Variants in DRP2 observed in about 807,000 individuals in gnomAD.
The protein encoded by DRP2 is dystrophin related protein 2.
In DRP2, 29 loss-of-function variants were observed where a neutral mutation model predicts 78.2. The observed-to-expected ratio is 0.37, with a 90% CI of 0.28 to 0.51. The LOEUF is 0.51. Ranked by LOEUF, DRP2 falls within the 20% of genes least tolerant of loss-of-function variation. The pLI is 0.94. For missense variants in DRP2, 686 were observed against 770.6 expected (o/e 0.89, Z 1.30); for synonymous variants, 290 against 281.9 (o/e 1.03, Z -0.29).
chrX:101,231,406 C>A (rs1243045423), intron 2 of DRP2, 179 bp from the exon 3 acceptor site: 3 of 393,946 alleles, frequency 7.6e-6, no homozygotes, highest in Admixed American at 8.4e-5. Flanking sequence ...TATAGGTAAA[C>A]AATAAATGCT....
intron 12 of DRP2, among the ~76,000 whole-genome samples, chrX:101,247,533 C>T (rs1922974047): frequency 8.9e-6 from 1 of 111,773 alleles, no homozygotes; most frequent in Non-Finnish European, 1.9e-5. Context: ...GGTTAGGGAA[C>T]AGTGTGGCTG....
At chrX:101,251,985 C>T (rs890115019) in intron 16 of DRP2, among the ~76,000 whole-genome samples, 2 of 112,078 alleles carry the variant, frequency 1.8e-5, no homozygotes, top group Non-Finnish European at 3.8e-5. Context: ...AAATGAGGCA[C>T]ACAGCTAGTT....
At chrX:101,232,613 G>A (rs1922347873) in intron 3 of DRP2, among the ~76,000 whole-genome samples, 1 of 111,402 alleles carries the variant, frequency 9.0e-6, no homozygotes, top group African/African-American at 3.3e-5. Flanking sequence ...AGCCTGTTTT[G>A]GGGGCAGTAA....
In DRP2 at chrX:101,220,802, A is replaced by G. The variant is rs542085411; in HGVS notation, c.-167+656A>G. ...CTGGCTCTGTTGTTTTTCCTGTGACATTTTTCCCCCTTATCTTCTCCCCTG... is the reference window on the plus strand; with the variant it reads ...CTGGCTCTGTTGTTTTTCCTGTGACGTTTTTCCCCCTTATCTTCTCCCCTG... On this transcript the variant is annotated intron_variant, in intron 1 of 23. Coordinates refer to ENST00000395209, the MANE Select transcript of DRP2 (RefSeq NM_001939.3). Among the ~76,000 whole-genome samples, 5 of 110,999 alleles carry G rather than the reference A, an allele frequency of 4.5e-5. No individual in the cohort carries two copies. The South Asian group carries it at 1.9e-3, about 43-fold the overall frequency.
At chrX:101,221,177 G>T (rs1297406794) in intron 1 of DRP2, among the ~76,000 whole-genome samples, 1 of 112,389 alleles carries the variant, frequency 8.9e-6, no homozygotes, top group African/African-American at 3.2e-5. Context: ...ATGCTGTCTG[G>T]AAAAGAACAT....
intron 9 of DRP2, among the ~76,000 whole-genome samples, chrX:101,243,799 G>A (rs1922826037): frequency 8.9e-6 from 1 of 111,812 alleles, no homozygotes; most frequent in Non-Finnish European, 1.9e-5. Context: ...TGGATAGGGA[G>A]TGCTGGACTT....
In DRP2 at chrX:101,263,896, T is replaced by C. The variant is rs1209556640; in HGVS notation, c.*3275T>C. The C allele has an allele frequency of 2.7e-5, 3 of 111,649 alleles. No homozygotes were observed. Among genetic ancestry groups the C allele is most frequent in the Non-Finnish European group, 5.6e-5 (3 of 53,153 alleles). 9.2% of individuals were successfully genotyped at this position (111,649 alleles called of 1,213,427 possible). ...TGATGTGTGTGCTTGAGATTTGGGC[T>C]CTATATCCAGCATTTGAACTCACAT... On this transcript the variant is annotated 3_prime_UTR_variant, in exon 24 of 24. Coordinates refer to ENST00000395209, the MANE Select transcript of DRP2 (RefSeq NM_001939.3).
At position 101,242,930 on chromosome X, in the gene DRP2, G is replaced by C. The variant is rs1922785465; in HGVS notation, c.1002G>C (p.Gln334His). 3 of 1,208,859 alleles carry C rather than the reference G, an allele frequency of 2.5e-6. No individual in the cohort carries two copies. In the South Asian group the frequency reaches 5.3e-5, roughly 21 times the overall value. Reference protein sequence around the residue: ...LQASVSERLKQLQDAHRDFGP... With the variant: ...LQASVSERLKHLQDAHRDFGP... ...CGTCAGTTAGTGAGAGGCTTAAGCA[G>C]CTCCAGGATGCCCACCGGGACTTTG... Residue 334 changes from glutamine to histidine, a missense_variant, in exon 9 of 24, where the codon CAG becomes CAC. Coordinates refer to ENST00000395209, the MANE Select transcript of DRP2 (RefSeq NM_001939.3).
rs1922007763 is a variant in DRP2 at position 101,224,191 on chromosome X, G to GTTTTGTTTTTTTTTTTTTT, written c.-166-409_-166-408insGTTTTTTTTTTTTTTTTTT. On this transcript the variant is annotated intron_variant, in intron 1 of 23. Coordinates refer to ENST00000395209, the MANE Select transcript of DRP2 (RefSeq NM_001939.3). ...AATAAATGTTTGCTGGGTTTTTTTT[G>GTTTTGTTTTTTTTTTTTTT]TTTTTTTTTTTTTTTTTTTTTTTTT... Among the ~76,000 whole-genome samples the GTTTTGTTTTTTTTTTTTTT allele has an allele frequency of 2.1e-4, 8 of 38,880 alleles. 1 individual carries two copies. The highest frequency in any genetic ancestry group is 1.0e-3 in the African/African-American group (8 of 7,902). 33.8% of individuals were successfully genotyped at this position (38,880 alleles called of 115,157 possible). A position where few individuals can be genotyped will look rare whatever the true frequency, so the allele number is the denominator to read the frequency against.
At chrX:101,232,092 G>T (rs1252020984) in intron 3 of DRP2, among the ~76,000 whole-genome samples, 1 of 110,534 alleles carries the variant, frequency 9.0e-6, no homozygotes, top group Non-Finnish European at 1.9e-5. Flanking sequence ...CTAGGACTAG[G>T]CAGGTCCTTC....
Position 101,248,581 on chromosome X carries a change from G to C in DRP2, c.1522G>C (p.Val508Leu). Residue 508 changes from valine to leucine, a missense_variant, in exon 14 of 24, where the codon GTG becomes CTG. Coordinates refer to ENST00000395209, the MANE Select transcript of DRP2 (RefSeq NM_001939.3). ...TGIACLCGTE[V>L]KEKLQYLFSQ... ...CATTGCATGCTTGTGTGGCACGGAAGTGAAGGAAAAACTTCAGTGTGAGTA... is the reference window on the plus strand; with the variant it reads ...CATTGCATGCTTGTGTGGCACGGAACTGAAGGAAAAACTTCAGTGTGAGTA... 1 of 1,212,050 alleles carries C rather than the reference G, an allele frequency of 8.3e-7. No homozygotes were observed. Among genetic ancestry groups the C allele is most frequent in the Non-Finnish European group, 1.1e-6 (1 of 895,430 alleles).
chrX:101,245,540 T>C (rs1922903848), intron 11 of DRP2, 91 bp downstream of exon 11: 1 of 726,099 alleles, frequency 1.4e-6, no homozygotes, highest in Non-Finnish European at 2.0e-6. Context: ...ATAAAGAAAA[T>C]GTGGTATATC....
rs749294633 is a variant in DRP2, at chrX:101,250,374, C to T, written c.1541-49C>T. On this transcript the variant is annotated intron_variant, in intron 14 of 23. Transcript: ENST00000395209. ...TCTGCCCTTTCTCCTCACCATTCTCCGGCCATTCCTGTGTCGGGGTTGGCC... is the reference window on the plus strand; with the variant it reads ...TCTGCCCTTTCTCCTCACCATTCTCTGGCCATTCCTGTGTCGGGGTTGGCC... 3.2e-5 allele frequency: 39 copies of T among 1,206,556 alleles called. No homozygotes were observed. In the East Asian group the frequency reaches 5.6e-4, roughly 17 times the overall value.
Position 101,241,790 on chromosome X carries a change from C to T in DRP2, c.682C>T (p.Arg228Trp), listed in dbSNP as rs748167677. 8.3e-6 allele frequency: 10 copies of T among 1,209,537 alleles called. No individual in the cohort carries two copies. The highest frequency in any genetic ancestry group is 3.0e-5 in the East Asian group (1 of 33,747). ...RCVDQHRHIE[R>W]TLEQLLEIQG... is the part of the protein sequence containing the mutation. Reference sequence around the variant, plus strand: ...TGTGGACCAGCACCGTCACATTGAGCGGACTCTGGAGCAGCTCTTGGAGAT... The same window carrying T: ...TGTGGACCAGCACCGTCACATTGAGTGGACTCTGGAGCAGCTCTTGGAGAT... The change falls in exon 7 of 24, where the codon CGG becomes TGG. Residue 228 changes from arginine to tryptophan, a missense_variant. Around this residue, in one of 2 missense-constraint regions of DRP2, gnomAD observed 263 missense variants for 239.1 expected, o/e 1.10. Coordinates refer to ENST00000395209, the MANE Select transcript of DRP2 (RefSeq NM_001939.3).
chrX:101,253,418 C>T, intron 17 of DRP2, among the ~76,000 whole-genome samples: 1 of 108,800 alleles, frequency 9.2e-6, no homozygotes. Flanking sequence ...TTATCCTTTT[C>T]TGTCCCCGCA....
intron 3 of DRP2, among the ~76,000 whole-genome samples, chrX:101,232,617 G>C (rs1922348026): frequency 9.0e-6 from 1 of 111,323 alleles, no homozygotes; most frequent in African/African-American, 3.3e-5. Context: ...TGTTTTGGGG[G>C]CAGTAATGAA....
chrX:101,225,174 A>T (rs946346421), intron 2 of DRP2, among the ~76,000 whole-genome samples: 1 of 98,840 alleles, frequency 1.0e-5, no homozygotes, highest in Non-Finnish European at 2.1e-5. Context: ...CTGCCCCATT[A>T]GACTCACTGC....
At chrX:101,245,123 C>A in intron 10 of DRP2, 46 bp downstream of exon 10, 1 of 1,111,299 alleles carries the variant, frequency 9.0e-7, no homozygotes, top group Non-Finnish European at 1.2e-6. Flanking sequence ...CCTGCCCACC[C>A]CCTCCCTCTC....
At chrX:101,242,239 G>A in intron 7 of DRP2, 86 bp from the exon 8 acceptor site, 1 of 1,138,605 alleles carries the variant, frequency 8.8e-7, no homozygotes, top group Non-Finnish European at 1.2e-6. Flanking sequence ...AAAACCTCTG[G>A]GTGAAGAGGG....
Sources: gnomAD v4.1 joint callset for allele counts (sites outside exome capture counted in the v4.1 genomes callset) on GRCh38, gnomAD v4.1.1 for gene constraint, gnomAD v4.1.1 regional missense constraint, MANE v1.5 for transcripts, NCBI Gene and HGNC (gene_info 2026-07-23, HGNC 2026-07-21) for gene names.